Variants in MEIG1 observed in about 807,000 individuals in gnomAD.
MEIG1 encodes meiosis/spermiogenesis associated 1.
MEIG1 carries 12 observed loss-of-function variants against 11.3 expected under a neutral mutation model. That is an observed-to-expected ratio of 1.07 (90% CI 0.68 to 1.73). The LOEUF (loss-of-function observed/expected upper bound fraction) is 1.73. Among genes scored for constraint, MEIG1 ranks in the 40% most tolerant of loss-of-function variants. The probability of loss-of-function intolerance (pLI) is 0.00; values close to 1 mark genes in which losing one functional copy is unlikely to be tolerated. For missense variants in MEIG1, 119 were observed against 104.9 expected (o/e 1.13, Z -0.59); for synonymous variants, 41 against 33.2 (o/e 1.24, Z -0.81).
intron 1 of MEIG1, among the ~76,000 whole-genome samples, chr10:14,965,370 G>A (rs1481754251): frequency 3.9e-5 from 6 of 152,078 alleles, no homozygotes; most frequent in African/African-American, 9.7e-5. Context: ...ATGGAAGTTC[G>A]GTGAATAGAC....
chr10:14,962,208 T>C (rs1249287363), intron 1 of MEIG1, among the ~76,000 whole-genome samples: 1 of 152,226 alleles, frequency 6.6e-6, no homozygotes, highest in East Asian at 1.9e-4. Context: ...GCCACTGAAT[T>C]TCCTAGAATC....
intron 1 of MEIG1, chr10:14,986,724 C>T: frequency 6.5e-6 from 2 of 308,386 alleles, no homozygotes; most frequent in Non-Finnish European, 1.3e-5. Flanking sequence ...CTTCTTGGGC[C>T]TCGGCCCTGC....
At chr10:14,986,337 C>G (rs1289913873) in intron 1 of MEIG1, among the ~76,000 whole-genome samples, 2 of 152,060 alleles carry the variant, frequency 1.3e-5, no homozygotes, top group African/African-American at 4.8e-5. Context: ...AAACAAAAAA[C>G]AAAAAACCAG....
Position 14,968,500 on chromosome 10 carries a change from T to A in MEIG1, c.138+1894T>A, listed in dbSNP as rs1472644371. 9.2e-5 allele frequency among the ~76,000 whole-genome samples: 14 copies of A among 151,902 alleles called. No individual in the cohort carries two copies. In the South Asian group the frequency reaches 1.5e-3, roughly 16 times the overall value. On this transcript the variant is annotated intron_variant, in intron 2 of 2. Coordinates refer to ENST00000407572, the MANE Select transcript of MEIG1 (RefSeq NM_001080836.3). ...GAAACCCCATCTCAAATAAATAAAT[T>A]AATTAATTAAATTAAAATTTTAAAA... is the stretch of plus-strand genomic sequence containing the variant.
intron 1 of MEIG1, among the ~76,000 whole-genome samples, chr10:14,964,608 TACACAC>T (rs1220258184): frequency 7.7e-5 from 7 of 90,728 alleles, no homozygotes; most frequent in African/African-American, 2.2e-4. Context: ...TATATATATA[TACACAC>T]ACACACACAT....
Position 14,978,469 on chromosome 10 carries a change from G to A in MEIG1, n.66+5849G>A, listed in dbSNP as rs149551659. On this transcript the variant is annotated intron_variant and non_coding_transcript_variant, in intron 1 of 2. Transcript: ENST00000467536. ...ATTATTCGTAATACTCTAGGGAGAT[G>A]TTACTCCTAATGTGATATCACAGGG... Among the ~76,000 whole-genome samples, 1,060 of 151,880 alleles carry A rather than the reference G, an allele frequency of 7.0e-3. 12 individuals are homozygous for A. Among genetic ancestry groups the A allele is most frequent in the African/African-American group, 0.024 (1,001 of 41,380 alleles).
chr10:14,960,985 C>T (rs1402108967), intron 1 of MEIG1, among the ~76,000 whole-genome samples: 1 of 152,060 alleles, frequency 6.6e-6, no homozygotes, highest in Non-Finnish European at 1.5e-5. Flanking sequence ...GACAAGATCA[C>T]GCCATGGCGC....
At chr10:14,966,105 C>A (rs2131267026) in intron 1 of MEIG1, among the ~76,000 whole-genome samples, 1 of 134,728 alleles carries the variant, frequency 7.4e-6, no homozygotes, top group Middle Eastern at 4.9e-3. Flanking sequence ...GCTCTGTCAC[C>A]CAGCTTGGAG....
upstream of MEIG1, among the ~76,000 whole-genome samples, chr10:14,958,859 G>A (rs1323340539): frequency 6.6e-6 from 1 of 152,030 alleles, no homozygotes; most frequent in Non-Finnish European, 1.5e-5. Flanking sequence ...TAGCACCACT[G>A]CACTCCAGCC....
chr10:14,964,585 G>GTGTA (rs1378376059), intron 1 of MEIG1, among the ~76,000 whole-genome samples: 70 of 93,030 alleles, frequency 7.5e-4, no homozygotes, highest in East Asian at 5.7e-3. Flanking sequence ...GTGTGTGTGT[G>GTGTA]TATATATATA....
At chr10:14,966,898 TA>T (rs1843091160) in intron 2 of MEIG1, among the ~76,000 whole-genome samples, 1 of 152,246 alleles carries the variant, frequency 6.6e-6, no homozygotes, top group South Asian at 2.1e-4. Context: ...CACGCCTGGC[TA>T]ATTTTTGTAT....
downstream of MEIG1, chr10:14,972,944 C>A (rs538630960): frequency 9.4e-6 from 2 of 212,276 alleles, no homozygotes; most frequent in Admixed American, 5.3e-5. Context: ...CGATTCACTG[C>A]AACCTCTGCC....
chr10:14,984,684 C>T (rs1843300649), intron 1 of MEIG1, among the ~76,000 whole-genome samples: 1 of 152,262 alleles, frequency 6.6e-6, no homozygotes, highest in East Asian at 1.9e-4. Context: ...CCTCTTATCA[C>T]AGAGGGTGTA....
exon 3 of MEIG1, chr10:14,988,026 A>G (rs1369537817): frequency 2.6e-5 from 4 of 152,676 alleles, no homozygotes; most frequent in Non-Finnish European, 4.4e-5. Flanking sequence ...TCACTTCTTC[A>G]TAAAAGTACA....
At chr10:14,982,080 G>GA (rs1404945594) in intron 1 of MEIG1, among the ~76,000 whole-genome samples, 1 of 152,228 alleles carries the variant, frequency 6.6e-6, no homozygotes, top group African/African-American at 2.4e-5. Flanking sequence ...AAAGCCATGT[G>GA]AATCATGCGC....
chr10:14,956,422 T>TTA (rs1842953740), upstream of MEIG1, among the ~76,000 whole-genome samples: 1 of 147,432 alleles, frequency 6.8e-6, no homozygotes, highest in African/African-American at 2.5e-5. Context: ...CTACTAAAAA[T>TTA]AAAAAAAAAA....
chr10:14,973,996 A>C (rs1270678553), downstream of MEIG1, among the ~76,000 whole-genome samples: 4 of 152,134 alleles, frequency 2.6e-5, no homozygotes, highest in African/African-American at 7.2e-5. Context: ...GGGAGTATAC[A>C]TATGATAGGC....
downstream of MEIG1, among the ~76,000 whole-genome samples, chr10:14,977,831 C>T (rs184330684): frequency 1.3e-5 from 2 of 151,862 alleles, no homozygotes; most frequent in Admixed American, 6.6e-5. Context: ...GATATGATAG[C>T]TCATATCCTA....
downstream of MEIG1, among the ~76,000 whole-genome samples, chr10:14,977,806 G>A (rs1007498177): frequency 5.9e-5 from 9 of 151,888 alleles, no homozygotes; most frequent in African/African-American, 2.2e-4. Flanking sequence ...TGTACACCAT[G>A]TGTGTACACT....
Sources: allele counts gnomAD v4.1 joint callset (sites outside exome capture counted in the v4.1 genomes callset), GRCh38; gene constraint gnomAD v4.1.1; transcripts MANE v1.5; gene names NCBI Gene and HGNC (gene_info 2026-07-23, HGNC 2026-07-21).